SYNDIG1: variants seen among roughly 807,000 people sequenced by gnomAD.
SYNDIG1 encodes synapse differentiation-inducing gene protein 1.
SYNDIG1 carries 9 observed loss-of-function variants against 19.4 expected under a neutral mutation model. The ratio of observed to expected loss-of-function variants is 0.46; its 90% CI spans 0.28 to 0.81. The LOEUF is 0.81. Ranked by LOEUF, SYNDIG1 falls within the 30% of genes least tolerant of loss-of-function variation. SYNDIG1 has a pLI of 0.12. For missense variants in SYNDIG1, 311 were observed against 343.3 expected (o/e 0.91, Z 0.74); for synonymous variants, 141 against 145.9 (o/e 0.97, Z 0.24).
At chr20:24,520,972 A>G (rs1394534133) in intron 1 of SYNDIG1, among the ~76,000 whole-genome samples, 1 of 152,302 alleles carries the variant, frequency 6.6e-6, no homozygotes, top group Non-Finnish European at 1.5e-5. Context: ...ATTAAGCAGT[A>G]ACTCTCCGTT....
chr20:24,665,791 G>T lies in SYNDIG1; in HGVS notation c.*287G>T. ...TGGATTCTGGTGGATGAATGGCAAC[G>T]CGGCTCTCTGCAGCCTGCCAGTGCC... On this transcript the variant is annotated 3_prime_UTR_variant, in exon 4 of 4. Coordinates refer to ENST00000376862, the MANE Select transcript of SYNDIG1 (RefSeq NM_024893.3). 2.3e-6 allele frequency: 1 copy of T among 428,306 alleles called. No homozygotes were observed. The highest frequency in any genetic ancestry group is 4.1e-6 in the Non-Finnish European group (1 of 244,574). The allele number at this position is 428,306 out of a possible 1,614,324, so 26.5% of individuals were successfully genotyped here. A position where few individuals can be genotyped will look rare whatever the true frequency, so the allele number is the denominator to read the frequency against.
chr20:24,489,159 TGG>T (rs1219124446), intron 1 of SYNDIG1, among the ~76,000 whole-genome samples: 30 of 152,080 alleles, frequency 2.0e-4, no homozygotes, highest in African/African-American at 7.2e-4. Flanking sequence ...CCCACACTCA[TGG>T]GGGCACACAC....
chr20:24,605,870 A>G (rs1409960628), intron 3 of SYNDIG1, among the ~76,000 whole-genome samples: 3 of 152,064 alleles, frequency 2.0e-5, no homozygotes, highest in Non-Finnish European at 4.4e-5. Flanking sequence ...CAAGCTGTGC[A>G]CTCTTCCCTT....
At chr20:24,640,140 C>T (rs551568906) in intron 3 of SYNDIG1, among the ~76,000 whole-genome samples, 5 of 152,132 alleles carry the variant, frequency 3.3e-5, no homozygotes, top group African/African-American at 1.2e-4. Context: ...TCGAGACTAG[C>T]CTGGTCAACA....
intron 3 of SYNDIG1, among the ~76,000 whole-genome samples, chr20:24,634,396 T>A (rs897561686): frequency 2.6e-5 from 4 of 152,334 alleles, no homozygotes; most frequent in Non-Finnish European, 5.9e-5. Context: ...ATATAGGATA[T>A]CCACAAGTGA....
chr20:24,664,730 A>T (rs145104814), intron 3 of SYNDIG1, among the ~76,000 whole-genome samples: 8 of 152,298 alleles, frequency 5.3e-5, no homozygotes, highest in Admixed American at 2.6e-4. Flanking sequence ...AACGCCAACC[A>T]TGTCCAGGGT....
rs941486216 is a variant in SYNDIG1 at position 24,650,588 on chromosome 20, G to A, written c.619-14758G>A. Among the ~76,000 whole-genome samples, 16 of 152,098 alleles carry A rather than the reference G, an allele frequency of 1.1e-4. No individual in the cohort carries two copies. The South Asian group carries it at 1.5e-3, about 14-fold the overall frequency. On this transcript the variant is annotated intron_variant, in intron 3 of 3. Coordinates refer to ENST00000376862, the MANE Select transcript of SYNDIG1 (RefSeq NM_024893.3). ...TACAAATTCTCCATGTGAGAAAAAC[G>A]TCCCTCTCTGTACCTTAAGCACTGG... is the stretch of plus-strand genomic sequence containing the variant.
chr20:24,471,951 C>T (rs147911406), intron 1 of SYNDIG1, among the ~76,000 whole-genome samples: 1,900 of 152,222 alleles, frequency 0.012, 37 homozygotes, highest in Admixed American at 0.053. Flanking sequence ...ATAAAATAAA[C>T]CAATTCAGTA....
chr20:24,638,511 C>T (rs1349272388), intron 3 of SYNDIG1, among the ~76,000 whole-genome samples: 9 of 151,972 alleles, frequency 5.9e-5, no homozygotes, highest in Non-Finnish European at 1.2e-4. Context: ...ACATGTACCA[C>T]CATGCCCGGT....
intron 3 of SYNDIG1, among the ~76,000 whole-genome samples, chr20:24,608,840 C>T (rs936612205): frequency 1.3e-5 from 2 of 152,032 alleles, no homozygotes; most frequent in African/African-American, 4.8e-5. Flanking sequence ...CTTGACCAAC[C>T]CTTGCATTCT....
intron 3 of SYNDIG1, among the ~76,000 whole-genome samples, chr20:24,594,835 G>A (rs2058572590): frequency 6.6e-6 from 1 of 152,148 alleles, no homozygotes; most frequent in Admixed American, 6.5e-5. Context: ...TTGGTGTATA[G>A]CAATGCTACT....
chr20:24,478,991 G>A (rs2055714790), intron 1 of SYNDIG1, among the ~76,000 whole-genome samples: 1 of 152,226 alleles, frequency 6.6e-6, no homozygotes, highest in African/African-American at 2.4e-5. Context: ...CCCGGAAGAT[G>A]GAAATGTTCT....
At chr20:24,539,016 A>G (rs1408056000) in intron 1 of SYNDIG1, among the ~76,000 whole-genome samples, 1 of 152,192 alleles carries the variant, frequency 6.6e-6, no homozygotes, top group Non-Finnish European at 1.5e-5. Context: ...TATTAGATAT[A>G]TGATTTGCAA....
chr20:24,645,806 A>T (rs1316100065), intron 3 of SYNDIG1, among the ~76,000 whole-genome samples: 3 of 152,178 alleles, frequency 2.0e-5, no homozygotes, highest in Non-Finnish European at 4.4e-5. Flanking sequence ...AAATCATTTG[A>T]TATCATCTCA....
chr20:24,562,226 G>T (rs1215657963), intron 2 of SYNDIG1, among the ~76,000 whole-genome samples: 1 of 152,156 alleles, frequency 6.6e-6, no homozygotes, highest in East Asian at 1.9e-4. Flanking sequence ...TGCCCAAATT[G>T]CAGCAACCAC....
chr20:24,564,313 G>A (rs2058000940), intron 2 of SYNDIG1, among the ~76,000 whole-genome samples: 1 of 152,176 alleles, frequency 6.6e-6, no homozygotes, highest in Non-Finnish European at 1.5e-5. Flanking sequence ...CACAACAGGG[G>A]CAGAGTGCAC....
At chr20:24,647,581 A>C (rs964408263) in intron 3 of SYNDIG1, among the ~76,000 whole-genome samples, 5 of 152,008 alleles carry the variant, frequency 3.3e-5, no homozygotes, top group African/African-American at 7.3e-5. Context: ...TCGTGTGGAA[A>C]TATCAGGATA....
chr20:24,544,495 G>A (rs201145220), intron 2 of SYNDIG1, among the ~76,000 whole-genome samples: 6 of 152,178 alleles, frequency 3.9e-5, no homozygotes, highest in Admixed American at 6.5e-5. Context: ...TAAGGTAGGC[G>A]AGAACATTTT....
chr20:24,542,894 T>C, intron 1 of SYNDIG1, 126 bp from the exon 2 acceptor site: 1 of 736,150 alleles, frequency 1.4e-6, no homozygotes, highest in African/African-American at 1.8e-5. Context: ...CTGCATTTTA[T>C]CTAACTCTCA....
Sources: allele counts gnomAD v4.1 joint callset (sites outside exome capture counted in the v4.1 genomes callset), GRCh38; gene constraint gnomAD v4.1.1; transcripts MANE v1.5; gene names NCBI Gene and HGNC (gene_info 2026-07-23, HGNC 2026-07-21).